XKR9: variants seen among roughly 807,000 people sequenced by gnomAD.
The protein encoded by XKR9 is XK related 9, also known as XK-related protein 9.
XKR9 carries 32 observed loss-of-function variants against 32.0 expected under a neutral mutation model. That is an observed-to-expected ratio of 1.00 (90% CI 0.76 to 1.34). XKR9 has a LOEUF of 1.34. Ranked by LOEUF, XKR9 falls within the 40% of genes most tolerant of loss-of-function variation. The pLI is 0.00. For missense variants in XKR9, 546 were observed against 429.7 expected, an observed-to-expected ratio of 1.27 and a Z score of -2.39; for synonymous variants, 168 against 143.4, an observed-to-expected ratio of 1.17 and a Z score of -1.22.
chr8:71,048,350 C>G, the XKR9 span, among the ~76,000 whole-genome samples: 1 of 152,066 alleles, frequency 6.6e-6, no homozygotes, highest in East Asian at 1.9e-4. Context: ...GCTGAGCCTC[C>G]CTTAGTCCTA....
chr8:71,049,399 A>T, the XKR9 span, among the ~76,000 whole-genome samples: 1 of 152,204 alleles, frequency 6.6e-6, no homozygotes, highest in Non-Finnish European at 1.5e-5. Context: ...CTGTATGCTG[A>T]TGTATTAAAA....
chr8:70,821,507 T>G, the XKR9 span, among the ~76,000 whole-genome samples: 2 of 152,196 alleles, frequency 1.3e-5, no homozygotes, highest in Admixed American at 6.5e-5. Flanking sequence ...TGACCCCACA[T>G]TTCTCTTCTG....
chr8:71,018,880 G>T, the XKR9 span, among the ~76,000 whole-genome samples: 1 of 152,186 alleles, frequency 6.6e-6, no homozygotes, highest in South Asian at 2.1e-4. Context: ...TAAAGTTTCA[G>T]ATCGTGTTTT....
At chr8:70,994,434 C>T in the XKR9 span, among the ~76,000 whole-genome samples, 1 of 152,002 alleles carries the variant, frequency 6.6e-6, no homozygotes, top group Admixed American at 6.6e-5. Flanking sequence ...TTACATTTCA[C>T]TTTCTTCTTA....
intron 3 of XKR9, among the ~76,000 whole-genome samples, chr8:70,695,246 A>G (rs1805223461): frequency 6.7e-6 from 1 of 149,312 alleles, no homozygotes; most frequent in Non-Finnish European, 1.5e-5. Flanking sequence ...TTACATATGT[A>G]TACATGTGCC....
the XKR9 span, among the ~76,000 whole-genome samples, chr8:70,845,537 A>G: frequency 6.6e-6 from 1 of 152,230 alleles, no homozygotes; most frequent in African/African-American, 2.4e-5. Context: ...AATACAATGA[A>G]ATCAGAAAAA....
chr8:70,922,675 C>A, the XKR9 span, among the ~76,000 whole-genome samples: 2 of 152,314 alleles, frequency 1.3e-5, no homozygotes, highest in East Asian at 1.9e-4. Context: ...GTCAAACCAA[C>A]AATAACAGGA....
the XKR9 span, among the ~76,000 whole-genome samples, chr8:70,946,582 A>G: frequency 6.6e-5 from 10 of 152,210 alleles, no homozygotes; most frequent in Non-Finnish European, 7.3e-5. Context: ...CCACACAACC[A>G]CTAAATAGAG....
the XKR9 span, among the ~76,000 whole-genome samples, chr8:70,877,630 C>T: frequency 1.9e-4 from 29 of 152,138 alleles, no homozygotes; most frequent in African/African-American, 5.8e-4. Context: ...TAAAAAGAAA[C>T]GAACAAAGCT....
At chr8:70,940,377 A>G in the XKR9 span, among the ~76,000 whole-genome samples, 2 of 152,102 alleles carry the variant, frequency 1.3e-5, no homozygotes, top group African/African-American at 4.8e-5. Flanking sequence ...TTTGGTGGCA[A>G]GAACTGGGCC....
At chr8:70,779,320 A>C (rs1428870005) in intron 2 of XKR9, among the ~76,000 whole-genome samples, 2 of 152,250 alleles carry the variant, frequency 1.3e-5, no homozygotes, top group East Asian at 3.9e-4. Context: ...CGTGGTGGAT[A>C]AGCTTTTTGA....
chr8:70,855,179 C>T, the XKR9 span, among the ~76,000 whole-genome samples: 268 of 151,950 alleles, frequency 1.8e-3, 1 homozygote, highest in South Asian at 0.017. Flanking sequence ...CAAACTACTC[C>T]GAGGTAAAGG....
At chr8:70,911,311 A>T in the XKR9 span, among the ~76,000 whole-genome samples, 1 of 152,198 alleles carries the variant, frequency 6.6e-6, no homozygotes, top group Non-Finnish European at 1.5e-5. Flanking sequence ...ATCATTTTCA[A>T]CATCTTGCTT....
rs1419648348 is a variant in XKR9 at position 70,772,506 on chromosome 8, C to T, written n.353-16833C>T. On this transcript the variant is annotated intron_variant and non_coding_transcript_variant, in intron 2 of 3. Transcript: ENST00000520273. ...CTTGGCAATCCAATCTAGTTTAAAACACCATGAAATGCCTTGGTTATTATA... is the reference window on the plus strand; with the variant it reads ...CTTGGCAATCCAATCTAGTTTAAAATACCATGAAATGCCTTGGTTATTATA... Among the ~76,000 whole-genome samples the T allele has an allele frequency of 3.3e-5, 5 of 152,258 alleles. No individual in the cohort carries two copies. The South Asian group carries it at 6.2e-4, about 19-fold the overall frequency.
chr8:70,813,170 T>C, the XKR9 span, among the ~76,000 whole-genome samples: 15 of 152,008 alleles, frequency 9.9e-5, no homozygotes, highest in Admixed American at 4.6e-4. Flanking sequence ...TTTGACCAAC[T>C]TGACAAAAAC....
the XKR9 span, among the ~76,000 whole-genome samples, chr8:70,804,830 A>G: frequency 6.6e-6 from 1 of 152,168 alleles, no homozygotes; most frequent in Admixed American, 6.5e-5. Context: ...TTTATTTTGC[A>G]TATTTCACAG....
the XKR9 span, among the ~76,000 whole-genome samples, chr8:70,856,044 C>T: frequency 1.2e-4 from 19 of 152,210 alleles, no homozygotes; most frequent in African/African-American, 3.4e-4. Flanking sequence ...TAAAGACCAT[C>T]GAGGCTAGGA....
At chr8:71,030,332 A>AT in the XKR9 span, among the ~76,000 whole-genome samples, 5 of 152,040 alleles carry the variant, frequency 3.3e-5, no homozygotes, top group East Asian at 1.9e-4. Flanking sequence ...ATTTTCTCAT[A>AT]TTTTTTATAT....
intron 4 of XKR9, among the ~76,000 whole-genome samples, chr8:70,726,274 G>C (rs973911004): frequency 6.6e-6 from 1 of 152,184 alleles, no homozygotes; most frequent in Non-Finnish European, 1.5e-5. Flanking sequence ...AAGAATGGAT[G>C]AAACAATGTT....
Sources: allele counts gnomAD v4.1 joint callset (sites outside exome capture counted in the v4.1 genomes callset), GRCh38; gene constraint gnomAD v4.1.1; transcripts MANE v1.5; gene names NCBI Gene and HGNC (gene_info 2026-07-23, HGNC 2026-07-21).